The following STIP1 variants were observed in gnomAD, a reference collection of about 807,000 sequenced individuals.
STIP1 encodes stress-induced-phosphoprotein 1.
Under a neutral mutation model 77.4 loss-of-function variants are expected in STIP1, and 16 were observed. The observed-to-expected ratio is 0.21, with a 90% CI of 0.14 to 0.31. The LOEUF (loss-of-function observed/expected upper bound fraction) is 0.31, where lower values mean the gene tolerates loss of function less well. STIP1 is among the 10% of genes least tolerant of loss of function. STIP1 has a pLI of 1.00. For synonymous variants in STIP1, 258 were observed against 246.6 expected (o/e 1.05, Z -0.44); for missense variants, 524 against 684.8 (o/e 0.77, Z 2.62).
chr11:64,187,120 G>C (rs1261702714), intron 1 of STIP1, among the ~76,000 whole-genome samples: 4 of 152,090 alleles, frequency 2.6e-5, no homozygotes, highest in African/African-American at 4.8e-5. Flanking sequence ...GAAGTTATGG[G>C]CCTCTACTGA....
chr11:64,189,028 A>G (rs1591003419), intron 1 of STIP1, among the ~76,000 whole-genome samples: 1 of 152,342 alleles, frequency 6.6e-6, no homozygotes. Context: ...CAACCTGTCC[A>G]GCATGGTGAA....
chr11:64,185,617 G>A, upstream of STIP1: 3 of 631,012 alleles, frequency 4.8e-6, no homozygotes, highest in Non-Finnish European at 8.0e-6. Flanking sequence ...GGAACTCGCG[G>A]CACTCGGGAG....
chr11:64,193,248 T>C lies in STIP1; in HGVS notation c.180T>C (p.Asp60=), dbSNP rs1591007549. ...KKGDYQKAYE[D]GCKTVDLKPD... is the part of the protein sequence containing the mutation. ...GAGACTACCAGAAGGCTTATGAGGA[T>C]GGCTGCAAGACTGTCGACCTAAAGC... Residue 60 remains aspartate, a synonymous_variant, in exon 2 of 14, where the codon GAT becomes GAC. Coordinates refer to ENST00000305218, the MANE Select transcript of STIP1 (RefSeq NM_006819.3). 6.2e-7 allele frequency: 1 copy of C among 1,614,186 alleles called. No individual in the cohort carries two copies. Among genetic ancestry groups the C allele is most frequent in the Non-Finnish European group, 8.5e-7 (1 of 1,180,030 alleles).
chr11:64,196,004 A>G (rs1388266052), intron 5 of STIP1, 191 bp downstream of exon 5: 7 of 738,714 alleles, frequency 9.5e-6, no homozygotes, highest in Middle Eastern at 3.8e-4. Flanking sequence ...AGCTAGGATT[A>G]CAGTCACGAG....
chr11:64,192,989 G>T, intron 1 of STIP1, 89 bp from the exon 2 acceptor site: 1 of 1,245,362 alleles, frequency 8.0e-7, no homozygotes, highest in Non-Finnish European at 1.1e-6. Context: ...TTTATTTGTT[G>T]GTAACTACAT....
chr11:64,197,627 G>T (rs755142237), intron 7 of STIP1, 32 bp downstream of exon 7: 5 of 1,611,730 alleles, frequency 3.1e-6, no homozygotes, highest in South Asian at 1.1e-5. Flanking sequence ...ACCTTGAGTA[G>T]CGCGGAGGGT....
chr11:64,193,683 A>G (rs1946116705), intron 2 of STIP1, among the ~76,000 whole-genome samples: 1 of 152,104 alleles, frequency 6.6e-6, no homozygotes, highest in South Asian at 2.1e-4. Flanking sequence ...TCTACTCAGG[A>G]GACTAAGGCA....
intron 10 of STIP1, among the ~76,000 whole-genome samples, 166 bp downstream of exon 10, chr11:64,200,459 G>A (rs1040380911): frequency 6.6e-6 from 1 of 152,022 alleles, no homozygotes; most frequent in Non-Finnish European, 1.5e-5. Context: ...ACAGGCTCAT[G>A]CCTCCACATC....
chr11:64,186,393 CG>C, intron 1 of STIP1, 123 bp downstream of exon 1: 1 of 137,818 alleles, frequency 7.3e-6, no homozygotes, highest in Non-Finnish European at 1.1e-5. Flanking sequence ...TGGGGCCGGA[CG>C]GGGCGGCGGC....
At chr11:64,198,416 T>A (rs938570520) in intron 8 of STIP1, among the ~76,000 whole-genome samples, 1 of 152,148 alleles carries the variant, frequency 6.6e-6, no homozygotes, top group Non-Finnish European at 1.5e-5. Flanking sequence ...TTTCATTATA[T>A]GGACCAGGCT....
rs746709067 is a variant in STIP1 at position 64,200,021 on chromosome 11, G to A, written c.1105G>A (p.Glu369Lys). The A allele has an allele frequency of 1.9e-6, 3 of 1,614,208 alleles. No individual in the cohort carries two copies. Among genetic ancestry groups the A allele is most frequent in the Non-Finnish European group, 8.5e-7 (1 of 1,180,046 alleles). Residue 369 changes from glutamate (E) to lysine (K), a missense_variant, in exon 9 of 14, where the codon GAG becomes AAG. Transcript: ENST00000305218. ...LALEEKNKGN[E>K]CFQKGDYPQA... ...TTTGGAGGAGAAGAACAAAGGCAAC[G>A]AGTGTTTTCAGAAAGGTACTGCCTG...
chr11:64,201,034 T>TCAAA (rs1946214235), intron 10 of STIP1, among the ~76,000 whole-genome samples: 1 of 136,944 alleles, frequency 7.3e-6, no homozygotes, highest in African/African-American at 3.4e-5. Flanking sequence ...GCCCCCTTTT[T>TCAAA]TTAAAAAAAA....
chr11:64,197,056 A>C, intron 5 of STIP1: 1 of 599,374 alleles, frequency 1.7e-6, no homozygotes. Flanking sequence ...AGTAGGTGGA[A>C]AAGGGGGAGT....
At chr11:64,190,710 C>T (rs1048510971) in intron 1 of STIP1, among the ~76,000 whole-genome samples, 1 of 152,170 alleles carries the variant, frequency 6.6e-6, no homozygotes, top group Non-Finnish European at 1.5e-5. Context: ...AGAACGTTTA[C>T]CTCTTAAAAG....
intron 4 of STIP1, among the ~76,000 whole-genome samples, chr11:64,195,212 C>A (rs758451840): frequency 1.4e-4 from 21 of 152,124 alleles, no homozygotes; most frequent in Non-Finnish European, 2.5e-4. Context: ...CTCCTGGGTT[C>A]AAGCGATTCT....
rs551935313 is a variant in STIP1, at chr11:64,203,772, G to C, written c.1559+150G>C. 5.6e-5 allele frequency: 59 copies of C among 1,051,398 alleles called. No individual in the cohort carries two copies. In the African/African-American group the frequency reaches 6.7e-4, roughly 12 times the overall value. 65.1% of individuals were successfully genotyped at this position (1,051,398 alleles called of 1,614,324 possible). A position where few individuals can be genotyped will look rare whatever the true frequency, so the allele number is the denominator to read the frequency against. ...CTTAAGGAGATTGGCAGTGGGTGGC[G>C]AGCTGGAAGGGCTTTGTTAGTCGTG... On this transcript the variant is annotated intron_variant, in intron 13 of 13. Transcript: ENST00000305218.
In STIP1 at chr11:64,204,158, CAT is replaced by C. The variant is rs1946256463; in HGVS notation, c.*33_*34del. 2 of 1,613,098 alleles carry C rather than the reference CAT, an allele frequency of 1.2e-6. No individual in the cohort carries two copies. Among genetic ancestry groups the C allele is most frequent in the Non-Finnish European group, 1.7e-6 (2 of 1,179,340 alleles). On this transcript the variant is annotated 3_prime_UTR_variant, in exon 14 of 14. Coordinates refer to ENST00000305218, the MANE Select transcript of STIP1 (RefSeq NM_006819.3). The stretch of plus-strand genomic sequence containing the variant: ...GTTCATCCCCCCTTCCCTTCGCCCT[CAT>C]GTGGAAAGAGGAGCTGGGACCGCGG...
At chr11:64,201,653 T>C (rs1211061771) in intron 10 of STIP1, among the ~76,000 whole-genome samples, 1 of 152,196 alleles carries the variant, frequency 6.6e-6, no homozygotes, top group Non-Finnish European at 1.5e-5. Context: ...TGCCACTGTC[T>C]TCTGGGTCTG....
chr11:64,198,062 CTT>C lies in STIP1; in HGVS notation c.1023+101_1023+102del, dbSNP rs35235491. On this transcript the variant is annotated intron_variant, in intron 8 of 13. Coordinates refer to ENST00000305218, the MANE Select transcript of STIP1 (RefSeq NM_006819.3). ...CTGTTTTATTTAATAATGAACTTGA[CTT>C]TTTTTTTTTTTTGAGATAGGGTCTC... 5,783 of 1,282,634 alleles carry C rather than the reference CTT, an allele frequency of 4.5e-3. 13 individuals carry two copies. Among genetic ancestry groups the C allele is most frequent in the African/African-American group, 0.026 (1,636 of 63,596 alleles). The allele number at this position is 1,282,634 out of a possible 1,614,324, so 79.5% of individuals were successfully genotyped here.
Sources: allele counts gnomAD v4.1 joint callset (sites outside exome capture counted in the v4.1 genomes callset), GRCh38; gene constraint gnomAD v4.1.1; transcripts MANE v1.5; gene names NCBI Gene and HGNC (gene_info 2026-07-23, HGNC 2026-07-21).